ACAN: variants seen among roughly 807,000 people sequenced by gnomAD.
ACAN encodes the protein aggrecan, also known as aggrecan core protein.
A neutral mutation model predicts 169.1 loss-of-function variants in ACAN; 47 were observed. The ratio of observed to expected loss-of-function variants is 0.28; its 90% confidence interval spans 0.22 to 0.35. The LOEUF (loss-of-function observed/expected upper bound fraction) is 0.35. Ranked by LOEUF, ACAN falls within the 10% of genes least tolerant of loss-of-function variation. The probability of loss-of-function intolerance (pLI) is 1.00; values close to 1 mark genes in which losing one functional copy is unlikely to be tolerated. For synonymous variants in ACAN, 1,115 were observed against 1,112.2 expected (o/e 1.00, Z -0.05); for missense variants, 2,716 against 2,759.9 (o/e 0.98, Z 0.36).
Position 88,872,085 on chromosome 15 carries a change from G to T in ACAN, c.7302G>T (p.Met2434Ile). Residue 2434 changes from methionine to isoleucine, a missense_variant and splice_region_variant, in exon 16 of 19, where the codon ATG becomes ATT. This residue lies in a region of ACAN where 1,389 missense variants were observed against 1,363.7 expected (regional missense o/e 1.02). Transcript: ENST00000560601. The surrounding 1 kb of genome is among the most constrained non-coding windows in gnomAD (Gnocchi z 5.4). ...GDFRWSDGHP[M>I]QFENWRPNQP... ...TCCGCTGGTCAGATGGACACCCCAT[G>T]GTGAGTTCTGCTGTAGGCACAGCTG... The T allele has an allele frequency of 6.2e-7, 1 of 1,613,686 alleles. No homozygotes were observed. The highest frequency in any genetic ancestry group is 1.1e-5 in the South Asian group (1 of 91,064).
At position 88,847,934 on chromosome 15, in the gene ACAN, C is replaced by T. The variant is rs1896835359; in HGVS notation, c.1628C>T (p.Thr543Ile). 11 of 1,613,874 alleles carry T rather than the reference C, an allele frequency of 6.8e-6. No homozygotes were observed. The highest frequency in any genetic ancestry group is 9.3e-6 in the Non-Finnish European group (11 of 1,179,766). Residue 543 changes from threonine to isoleucine, a missense_variant, in exon 9 of 19, where the codon ACC becomes ATC. Coordinates refer to ENST00000560601, the MANE Select transcript of ACAN (RefSeq NM_001369268.1). ...TVRYPIVSPR[T>I]PCVGDKDSSP... is the part of the protein sequence containing the mutation. The stretch of plus-strand genomic sequence containing the variant: ...AGATACCCCATTGTGAGCCCCCGGA[C>T]CCCATGCGTGGGTGACAAGGACAGC...
At position 88,833,311 on chromosome 15, in the gene ACAN, G is replaced by A. The variant is rs143200177; in HGVS notation, c.-7-2889G>A. On this transcript the variant is annotated intron_variant, in intron 1 of 18. Coordinates refer to ENST00000560601, the MANE Select transcript of ACAN (RefSeq NM_001369268.1). The stretch of plus-strand genomic sequence containing the variant: ...GCTCTCTGAGAAAGTCAATTCCCTG[G>A]TGATGAACCCAAACCACATGACTCT... Among the ~76,000 whole-genome samples the A allele has an allele frequency of 1.1e-4, 17 of 152,244 alleles. No individual in the cohort carries two copies. The East Asian group carries it at 2.9e-3, about 26-fold the overall frequency.
intron 1 of ACAN, among the ~76,000 whole-genome samples, chr15:88,811,356 G>A (rs1225941571): frequency 6.6e-6 from 1 of 152,180 alleles, no homozygotes; most frequent in African/African-American, 2.4e-5. Context: ...CCCAGGTTGA[G>A]CCTGCAGCAG....
chr15:88,821,020 G>C (rs188597168), intron 1 of ACAN, among the ~76,000 whole-genome samples: 246 of 152,238 alleles, frequency 1.6e-3, no homozygotes, highest in African/African-American at 5.5e-3. Flanking sequence ...AGGGGGAAAA[G>C]CCCCTTATAA....
chr15:88,829,804 G>A (rs1896315215), intron 1 of ACAN, among the ~76,000 whole-genome samples: 1 of 152,210 alleles, frequency 6.6e-6, no homozygotes, highest in Admixed American at 6.5e-5. Context: ...TAACAAGGAG[G>A]TGTCAAATAC....
intron 1 of ACAN, among the ~76,000 whole-genome samples, chr15:88,811,894 G>A (rs1194357279): frequency 6.6e-6 from 1 of 152,110 alleles, no homozygotes; most frequent in Non-Finnish European, 1.5e-5. Flanking sequence ...ACGTGACCCA[G>A]CCAGGTGCTT....
At chr15:88,823,909 C>CG (rs1896141448) in intron 1 of ACAN, among the ~76,000 whole-genome samples, 1 of 152,172 alleles carries the variant, frequency 6.6e-6, no homozygotes. Flanking sequence ...TGTGCACTCC[C>CG]GGCTACCCCT....
rs546089499 is a variant in ACAN at position 88,855,370 on chromosome 15, C to T, written c.2785C>T (p.Pro929Ser). Reference protein sequence around the residue: ...PSGDEERIEWPSTPTVGELPS... With the variant: ...PSGDEERIEWSSTPTVGELPS... ...AGGGGATGAAGAGAGAATTGAGTGGCCCAGCACTCCTACGGTTGGTGAACT... is the reference window on the plus strand; with the variant it reads ...AGGGGATGAAGAGAGAATTGAGTGGTCCAGCACTCCTACGGTTGGTGAACT... The change falls in exon 12 of 19, where the codon CCC becomes TCC. Residue 929 changes from proline (P) to serine (S), a missense_variant. By Grantham distance (74) the Pro-to-Ser change is moderately conservative. Coordinates refer to ENST00000560601, the MANE Select transcript of ACAN (RefSeq NM_001369268.1). 34 of 1,612,948 alleles carry T rather than the reference C, an allele frequency of 2.1e-5. No individual in the cohort carries two copies. In the East Asian group the frequency reaches 7.4e-4, roughly 35 times the overall value.
chr15:88,844,368 T>TTTATTA (rs59329974), intron 6 of ACAN, among the ~76,000 whole-genome samples: 2,732 of 149,772 alleles, frequency 0.018, 93 homozygotes, highest in African/African-American at 0.064. Flanking sequence ...GTCATTTTAC[T>TTTATTA]TTATTATTAT....
intron 13 of ACAN, among the ~76,000 whole-genome samples, chr15:88,863,575 A>C (rs1897237783): frequency 6.6e-6 from 1 of 152,222 alleles, no homozygotes; most frequent in African/African-American, 2.4e-5. Flanking sequence ...TCCAGTCATC[A>C]CTGGTGCTAT....
intron 1 of ACAN, among the ~76,000 whole-genome samples, chr15:88,824,889 C>CA (rs574577948): frequency 0.1 from 12,243 of 116,940 alleles, 895 homozygotes; most frequent in African/African-American, 0.24. Context: ...GAGACTCTGT[C>CA]AAAAAAAAAA....
chr15:88,842,534 A>G (rs1380574312), intron 5 of ACAN, among the ~76,000 whole-genome samples: 1 of 141,280 alleles, frequency 7.1e-6, no homozygotes, highest in Non-Finnish European at 1.6e-5. Context: ...CTACCTGAGC[A>G]CAGTGCCCAC....
At position 88,821,908 on chromosome 15, in the gene ACAN, CA is replaced by C. The variant is rs553120756; in HGVS notation, c.-7-14291del. Among the ~76,000 whole-genome samples, 124 of 152,324 alleles carry C rather than the reference CA, an allele frequency of 8.1e-4. 2 individuals are homozygous for C. In the South Asian group the frequency reaches 0.022, roughly 27 times the overall value. On this transcript the variant is annotated intron_variant, in intron 1 of 18. Coordinates refer to ENST00000560601, the MANE Select transcript of ACAN (RefSeq NM_001369268.1). The stretch of plus-strand genomic sequence containing the variant: ...ACAGCAAAAGGATACAGATGAAAAT[CA>C]GCAAAGGGAAGAGGCACAAAGGGCA...
rs767120823 is a variant in ACAN at position 88,848,036 on chromosome 15, A to C, written c.1730A>C (p.Glu577Ala). Residue 577 changes from glutamate to alanine, a missense_variant and splice_region_variant, in exon 9 of 19, where the codon GAG (glutamate) becomes GCG (alanine). Physicochemically the swap from Glu to Ala is moderately radical, Grantham distance 107 (BLOSUM62 -1). Around this residue, in one of 3 missense-constraint regions of ACAN, gnomAD observed 1,283 missense variants for 1,281.5 expected, o/e 1.00. Transcript: ENST00000560601. ...YDVYCFVDRL[E>A]GEVFFATRLE... ...GTCTACTGCTTTGTAGACAGACTTGAGGGTACAAGCCACATTCTCACATTT... is the reference window on the plus strand; with the variant it reads ...GTCTACTGCTTTGTAGACAGACTTGCGGGTACAAGCCACATTCTCACATTT... 1 of 1,613,320 alleles carries C rather than the reference A, an allele frequency of 6.2e-7. No homozygotes were observed. Among genetic ancestry groups the C allele is most frequent in the East Asian group, 2.2e-5 (1 of 44,878 alleles).
chr15:88,855,204 T>C lies in ACAN; in HGVS notation c.2619T>C (p.Ser873=), dbSNP rs1349170380. The change falls in exon 12 of 19, where the codon AGT becomes AGC. Residue 873 remains serine (S), a synonymous_variant. Coordinates refer to ENST00000560601, the MANE Select transcript of ACAN (RefSeq NM_001369268.1). ...ATGTCAGTGGTGACTTCACAGGCAGTGGAGATGTTTCAGGACACCTTGACT... is the reference window on the plus strand; with the variant it reads ...ATGTCAGTGGTGACTTCACAGGCAGCGGAGATGTTTCAGGACACCTTGACT... ...APDVSGDFTG[S]GDVSGHLDFS... The C allele has an allele frequency of 6.2e-7, 1 of 1,605,414 alleles. No individual in the cohort carries two copies. The highest frequency in any genetic ancestry group is 8.5e-7 in the Non-Finnish European group (1 of 1,173,790).
chr15:88,851,370 A>G lies in ACAN; in HGVS notation c.2027-424A>G, dbSNP rs1027551736. The G allele has an allele frequency of 3.1e-5, 5 of 162,586 alleles. No individual in the cohort carries two copies. The highest frequency in any genetic ancestry group is 9.6e-5 in the African/African-American group (4 of 41,672). The allele number at this position is 162,586 out of a possible 1,614,324, so 10.1% of individuals were successfully genotyped here. A position where few individuals can be genotyped will look rare whatever the true frequency, so the allele number is the denominator to read the frequency against. ...AGTAGTTGAGAGCGTGGAGTCTGGT[A>G]CCAGATGCTTAAATTCAAAGACTAG... On this transcript the variant is annotated intron_variant, in intron 10 of 18. Transcript: ENST00000560601. The surrounding 1 kb of genome is among the most constrained non-coding windows in gnomAD (Gnocchi z 4.3).
At chr15:88,842,000 C>A in intron 5 of ACAN, 133 bp downstream of exon 5, 1 of 1,254,082 alleles carries the variant, frequency 8.0e-7, no homozygotes, top group Non-Finnish European at 1.1e-6. Context: ...CCTCCTCTGC[C>A]ATGAAGGGAG....
rs752861429 is a variant in ACAN, at chr15:88,857,309, G to T, written c.4724G>T (p.Gly1575Val). 1.3e-5 allele frequency: 21 copies of T among 1,613,822 alleles called. No homozygotes were observed. The highest frequency in any genetic ancestry group is 1.5e-5 in the Non-Finnish European group (18 of 1,179,902). The part of the protein sequence containing the change: ...DLSGLPSGRE[G>V]LETSASGAED... ...AGTGGGCTTCCTTCTGGAAGGGAGG[G>T]TCTAGAGACTTCAGCTTCTGGAGCT... The change falls in exon 12 of 19, where the codon GGT becomes GTT. Residue 1575 changes from glycine to valine, a missense_variant. Physicochemically the swap from Gly to Val is moderately radical, Grantham distance 109. Around this residue, in one of 3 missense-constraint regions of ACAN, gnomAD observed 1,389 missense variants for 1,363.7 expected, o/e 1.02. Transcript: ENST00000560601.
At position 88,855,107 on chromosome 15, in the gene ACAN, C is replaced by T. The variant is rs1386240559; in HGVS notation, c.2522C>T (p.Pro841Leu). 11 of 1,601,688 alleles carry T rather than the reference C, an allele frequency of 6.9e-6. No individual in the cohort carries two copies. The highest frequency in any genetic ancestry group is 2.3e-5 in the South Asian group (2 of 88,770). The stretch of plus-strand genomic sequence containing the variant: ...GAGGAACCATCAGCCTCGGAAGAGC[C>T]GTATACACCTTCACCCCCCGTGCCC... ...PSEEPSASEE[P>L]YTPSPPVPSW... The change falls in exon 12 of 19, where the codon CCG becomes CTG. Residue 841 changes from proline to leucine, a missense_variant. Coordinates refer to ENST00000560601, the MANE Select transcript of ACAN (RefSeq NM_001369268.1).
Sources: gnomAD v4.1 joint callset for allele counts (sites outside exome capture counted in the v4.1 genomes callset) on GRCh38, gnomAD v4.1.1 for gene constraint, gnomAD v4.1.1 regional missense constraint, Gnocchi (gnomAD v3.1) non-coding constraint, MANE v1.5 for transcripts, NCBI Gene and HGNC (gene_info 2026-07-23, HGNC 2026-07-21) for gene names.